Variants in ROBO2 observed in about 807,000 individuals in gnomAD.
ROBO2 encodes the protein roundabout homolog 2.
A neutral mutation model predicts 160.8 loss-of-function variants in ROBO2; 53 were observed. The ratio of observed to expected loss-of-function variants is 0.33; its 90% confidence interval spans 0.26 to 0.41. The LOEUF (loss-of-function observed/expected upper bound fraction) is 0.41, where lower values mean the gene tolerates loss of function less well. Among genes scored for constraint, ROBO2 ranks in the 10% least tolerant of loss-of-function variants. The pLI is 1.00. For synonymous variants in ROBO2, 664 were observed against 611.7 expected (o/e 1.09, Z -1.26); for missense variants, 1,577 against 1,722.4 (o/e 0.92, Z 1.49).
At chr3:76,155,236 G>A (rs1443642826) in intron 2 of ROBO2, among the ~76,000 whole-genome samples, 1 of 152,050 alleles carries the variant, frequency 6.6e-6, no homozygotes, top group African/African-American at 2.4e-5. Flanking sequence ...CTAAAAGAAA[G>A]ACAATTTAAC....
At chr3:76,156,943 GC>G (rs1300450338) in intron 2 of ROBO2, among the ~76,000 whole-genome samples, 2 of 152,220 alleles carry the variant, frequency 1.3e-5, no homozygotes, top group Admixed American at 1.3e-4. Flanking sequence ...TTGCACTCCA[GC>G]CTGGGCAACA....
chr3:76,107,979 G>A (rs1310042941), intron 2 of ROBO2, among the ~76,000 whole-genome samples: 1 of 151,974 alleles, frequency 6.6e-6, no homozygotes, highest in Non-Finnish European at 1.5e-5. Context: ...GAAATGTATA[G>A]GTAACCACCA....
At chr3:76,295,236 T>G (rs896786287) in intron 2 of ROBO2, among the ~76,000 whole-genome samples, 1 of 152,168 alleles carries the variant, frequency 6.6e-6, no homozygotes, top group Admixed American at 6.5e-5. Context: ...AAAGTGTATT[T>G]CAACCTGTGG....
intron 2 of ROBO2, among the ~76,000 whole-genome samples, chr3:76,030,364 A>G (rs2066880594): frequency 6.6e-6 from 1 of 152,082 alleles, no homozygotes; most frequent in Admixed American, 6.6e-5. Context: ...GAAGCTCTTT[A>G]GTTTAATTAG....
chr3:77,532,635 G>T (rs1172764223), intron 6 of ROBO2, among the ~76,000 whole-genome samples: 1 of 150,804 alleles, frequency 6.6e-6, no homozygotes, highest in Non-Finnish European at 1.5e-5. Flanking sequence ...ATTTCATATT[G>T]TATGATTTCT....
chr3:76,319,493 A>T (rs1346466891), intron 2 of ROBO2, among the ~76,000 whole-genome samples: 1 of 152,040 alleles, frequency 6.6e-6, no homozygotes, highest in Non-Finnish European at 1.5e-5. Flanking sequence ...GGTGTCTTCA[A>T]CTAAGTTAAA....
intron 2 of ROBO2, among the ~76,000 whole-genome samples, chr3:76,179,258 G>A (rs1428118647): frequency 6.6e-6 from 1 of 152,028 alleles, no homozygotes; most frequent in Non-Finnish European, 1.5e-5. Context: ...GGCTTCATGG[G>A]GCCTCCAGTC....
chr3:77,009,024 T>A (rs1474583919), intron 2 of ROBO2, among the ~76,000 whole-genome samples: 1 of 152,206 alleles, frequency 6.6e-6, no homozygotes, highest in Non-Finnish European at 1.5e-5. Flanking sequence ...AAATCAACAG[T>A]CAGGATACTG....
intron 2 of ROBO2, among the ~76,000 whole-genome samples, chr3:76,465,044 A>G (rs2078289367): frequency 6.6e-6 from 1 of 152,150 alleles, no homozygotes. Context: ...TTTGGTAAAC[A>G]AGTACATGAA....
intron 2 of ROBO2, among the ~76,000 whole-genome samples, chr3:76,808,821 A>C (rs1174181239): frequency 2.6e-5 from 4 of 152,098 alleles, no homozygotes; most frequent in Admixed American, 2.0e-4. Context: ...TATAGTCATT[A>C]TATTTTCAGT....
At chr3:75,974,388 A>C (rs1230438548) in intron 2 of ROBO2, among the ~76,000 whole-genome samples, 1 of 151,688 alleles carries the variant, frequency 6.6e-6, no homozygotes, top group Non-Finnish European at 1.5e-5. Flanking sequence ...TATTATCAGC[A>C]TAATAGGAAG....
At chr3:76,949,244 G>A (rs979285616) in intron 2 of ROBO2, among the ~76,000 whole-genome samples, 1 of 151,834 alleles carries the variant, frequency 6.6e-6, no homozygotes, top group Non-Finnish European at 1.5e-5. Context: ...GCTGCCTTTT[G>A]TTTCTCTCAT....
intron 2 of ROBO2, among the ~76,000 whole-genome samples, chr3:76,033,372 TA>T (rs1258446185): frequency 6.6e-6 from 1 of 152,104 alleles, no homozygotes; most frequent in Non-Finnish European, 1.5e-5. Context: ...GTGTGAATAC[TA>T]AAAGGCCTAG....
intron 2 of ROBO2, among the ~76,000 whole-genome samples, chr3:77,185,086 A>G (rs946110149): frequency 6.6e-6 from 1 of 152,044 alleles, no homozygotes; most frequent in Non-Finnish European, 1.5e-5. Context: ...CAGCGCTGCC[A>G]TAAACAGAAT....
At chr3:77,558,243 A>T (rs943386589) in intron 9 of ROBO2, 94 bp downstream of exon 10, 7 of 975,946 alleles carry the variant, frequency 7.2e-6, no homozygotes, top group Non-Finnish European at 1.1e-5. Flanking sequence ...CTTACATCCT[A>T]GTATAATTGC....
intron 13 of ROBO2, among the ~76,000 whole-genome samples, chr3:77,570,450 G>GT (rs1439980374): frequency 6.6e-6 from 1 of 151,724 alleles, no homozygotes; most frequent in Non-Finnish European, 1.5e-5. Context: ...TTTCATTTCT[G>GT]TTTTTTTCAG....
intron 2 of ROBO2, among the ~76,000 whole-genome samples, chr3:76,487,025 A>G (rs1041247362): frequency 1.3e-5 from 2 of 152,146 alleles, no homozygotes; most frequent in African/African-American, 4.8e-5. Flanking sequence ...GTTGGAGTGC[A>G]GTGGCACAGT....
At chr3:76,098,565 A>C (rs1289304445) in intron 2 of ROBO2, among the ~76,000 whole-genome samples, 1 of 31,364 alleles carries the variant, frequency 3.2e-5, no homozygotes, top group Non-Finnish European at 8.1e-5. Context: ...TAAATCAAAT[A>C]AATATGAAAA....
intron 2 of ROBO2, among the ~76,000 whole-genome samples, chr3:76,124,215 GT>G (rs2070873981): frequency 6.6e-6 from 1 of 151,978 alleles, no homozygotes; most frequent in Non-Finnish European, 1.5e-5. Context: ...TATTGTTCAG[GT>G]TTTGAATAGC....
Sources: allele counts gnomAD v4.1 joint callset (sites outside exome capture counted in the v4.1 genomes callset), GRCh38; gene constraint gnomAD v4.1.1; transcripts MANE v1.5; gene names NCBI Gene and HGNC (gene_info 2026-07-23, HGNC 2026-07-21).